The following GRIP1 variants were observed in gnomAD, a reference collection of about 807,000 sequenced individuals.
GRIP1 encodes the protein glutamate receptor-interacting protein 1.
GRIP1 carries 45 observed loss-of-function variants against 129.9 expected under a neutral mutation model. The observed-to-expected ratio is 0.35, with a 90% CI of 0.27 to 0.44. GRIP1 has a LOEUF of 0.44. Ranked by LOEUF, GRIP1 falls within the 20% of genes least tolerant of loss-of-function variation. GRIP1 has a pLI of 1.00. For missense variants in GRIP1, 1,196 were observed against 1,396.8 expected (o/e 0.86, Z 2.29); for synonymous variants, 530 against 520.8 (o/e 1.02, Z -0.24).
chr12:66,480,667 C>T (rs1377910453), intron 7 of GRIP1, among the ~76,000 whole-genome samples: 3 of 152,160 alleles, frequency 2.0e-5, no homozygotes, highest in Non-Finnish European at 4.4e-5. Context: ...AACTATACTA[C>T]AAGGCTACAG....
intron 1 of GRIP1, among the ~76,000 whole-genome samples, chr12:66,778,376 T>C (rs950557477): frequency 2.7e-4 from 41 of 152,220 alleles, no homozygotes; most frequent in African/African-American, 9.9e-4. Flanking sequence ...TTAACTTCTC[T>C]GAGCCTTAGT....
intron 1 of GRIP1, among the ~76,000 whole-genome samples, chr12:66,815,820 A>ATT (rs1555241749): frequency 9.3e-5 from 11 of 118,632 alleles, no homozygotes; most frequent in East Asian, 2.9e-4. Context: ...AAGATGAAAG[A>ATT]TTTCTTTCTT....
chr12:66,827,310 A>G (rs773810897), intron 1 of GRIP1, among the ~76,000 whole-genome samples: 3 of 150,864 alleles, frequency 2.0e-5, no homozygotes, highest in Non-Finnish European at 4.4e-5. Flanking sequence ...CTTACTGGCT[A>G]TTGGCTGGGG....
chr12:67,054,534 T>C (rs1185270644), intron 1 of GRIP1, among the ~76,000 whole-genome samples: 1 of 152,056 alleles, frequency 6.6e-6, no homozygotes, highest in East Asian at 1.9e-4. Context: ...GAGGCCGAAG[T>C]GGGCAGATCA....
intron 1 of GRIP1, among the ~76,000 whole-genome samples, chr12:66,620,426 T>A (rs2065217137): frequency 6.6e-6 from 1 of 152,112 alleles, no homozygotes; most frequent in Non-Finnish European, 1.5e-5. Flanking sequence ...AGTGGAGCAA[T>A]GAATTGATTT....
chr12:66,644,387 G>C (rs1043127088), intron 1 of GRIP1, among the ~76,000 whole-genome samples: 1 of 152,092 alleles, frequency 6.6e-6, no homozygotes, highest in African/African-American at 2.4e-5. Context: ...ACTACAGAAA[G>C]AGCAATTGCC....
intron 2 of GRIP1, among the ~76,000 whole-genome samples, chr12:66,595,104 C>T (rs1318046388): frequency 6.6e-6 from 1 of 152,186 alleles, no homozygotes; most frequent in Non-Finnish European, 1.5e-5. Context: ...ATATCTCTGG[C>T]CCCTACCTTA....
chr12:66,606,017 C>T lies in GRIP1; in HGVS notation c.56-9090G>A, dbSNP rs1368638975. On this transcript the variant is annotated intron_variant, in intron 1 of 24. Transcript: ENST00000359742. ...CATTGATTTGACTGAGGAACAAGGGCTATGTGTGATTGCCTAGATGTGTGA... is the reference window on the plus strand; with the variant it reads ...CATTGATTTGACTGAGGAACAAGGGTTATGTGTGATTGCCTAGATGTGTGA... Among the ~76,000 whole-genome samples, 3 of 151,728 alleles carry T rather than the reference C, an allele frequency of 2.0e-5. No homozygotes were observed. The East Asian group carries it at 5.8e-4, about 29-fold the overall frequency.
intron 1 of GRIP1, among the ~76,000 whole-genome samples, chr12:66,910,533 C>T (rs1277418908): frequency 1.3e-5 from 2 of 151,918 alleles, no homozygotes; most frequent in Non-Finnish European, 2.9e-5. Context: ...GTCAGTCATA[C>T]AACCTTTCCA....
At chr12:66,763,551 G>T (rs991430774) in intron 1 of GRIP1, among the ~76,000 whole-genome samples, 1 of 152,184 alleles carries the variant, frequency 6.6e-6, no homozygotes, top group African/African-American at 2.4e-5. Flanking sequence ...TTAAATGTCA[G>T]CTATTTTGGA....
chr12:67,017,281 C>T (rs1414734462), intron 1 of GRIP1, among the ~76,000 whole-genome samples: 3 of 151,556 alleles, frequency 2.0e-5, no homozygotes, highest in East Asian at 3.9e-4. Context: ...AGCAACCATC[C>T]CAGTTTATGC....
chr12:66,903,950 C>T (rs1039286497), intron 1 of GRIP1, among the ~76,000 whole-genome samples: 4 of 152,142 alleles, frequency 2.6e-5, no homozygotes, highest in Non-Finnish European at 5.9e-5. Context: ...AACAGAAAGT[C>T]CCTAGACACA....
chr12:66,484,922 T>C (rs1403370910), intron 7 of GRIP1, among the ~76,000 whole-genome samples: 3 of 152,170 alleles, frequency 2.0e-5, no homozygotes, highest in African/African-American at 7.2e-5. Flanking sequence ...TCTATGTAGG[T>C]ATCAAAATAT....
At chr12:66,928,527 AT>A (rs1402735485) in intron 1 of GRIP1, among the ~76,000 whole-genome samples, 1 of 144,502 alleles carries the variant, frequency 6.9e-6, no homozygotes, top group East Asian at 2.1e-4. Flanking sequence ...TCATTCATTC[AT>A]TTAAAAAAAA....
chr12:66,361,914 G>T (rs2054792991), intron 23 of GRIP1, among the ~76,000 whole-genome samples: 1 of 152,018 alleles, frequency 6.6e-6, no homozygotes, highest in African/African-American at 2.4e-5. Context: ...CCACCCTCGG[G>T]GCCTGTGGGA....
At chr12:66,534,423 C>T (rs939622857) in intron 4 of GRIP1, among the ~76,000 whole-genome samples, 29 of 152,136 alleles carry the variant, frequency 1.9e-4, no homozygotes, top group African/African-American at 6.8e-4. Context: ...GGTCTTTTCT[C>T]TATTTTGCCT....
chr12:66,778,418 C>G (rs1263899321), intron 1 of GRIP1, among the ~76,000 whole-genome samples: 2 of 152,132 alleles, frequency 1.3e-5, no homozygotes, highest in Non-Finnish European at 2.9e-5. Flanking sequence ...ATATGATCCC[C>G]TACAATATTA....
At chr12:66,469,408 T>G (rs932005140) in intron 7 of GRIP1, among the ~76,000 whole-genome samples, 4 of 152,222 alleles carry the variant, frequency 2.6e-5, no homozygotes, top group Non-Finnish European at 4.4e-5. Flanking sequence ...AGTAGCTAGA[T>G]AGAAAAGTGA....
At chr12:66,486,983 G>T (rs2059973108) in intron 7 of GRIP1, among the ~76,000 whole-genome samples, 3 of 151,982 alleles carry the variant, frequency 2.0e-5, no homozygotes, top group Admixed American at 2.0e-4. Flanking sequence ...TAGAAACAGG[G>T]TTTTACCATG....
Sources: gnomAD v4.1 joint callset for allele counts (sites outside exome capture counted in the v4.1 genomes callset) on GRCh38, gnomAD v4.1.1 for gene constraint, MANE v1.5 for transcripts, NCBI Gene and HGNC (gene_info 2026-07-23, HGNC 2026-07-21) for gene names.